The following KATNA1 variants were observed in gnomAD, a reference collection of about 807,000 sequenced individuals.
The protein encoded by KATNA1 is katanin catalytic subunit A1, also known as katanin p60 ATPase-containing subunit A1.
KATNA1 carries 42 observed loss-of-function variants against 62.6 expected under a neutral mutation model. The ratio of observed to expected loss-of-function variants is 0.67; its 90% confidence interval spans 0.52 to 0.87. The LOEUF (loss-of-function observed/expected upper bound fraction) is 0.87. Ranked by LOEUF, KATNA1 falls within the 40% of genes least tolerant of loss-of-function variation. The pLI, the probability that KATNA1 is intolerant of heterozygous loss-of-function variation, is 0.00. For synonymous variants in KATNA1, 186 were observed against 201.9 expected, an observed-to-expected ratio of 0.92 and a Z score of 0.67; for missense variants, 498 against 612.5, an observed-to-expected ratio of 0.81 and a Z score of 1.97.
Position 149,601,714 on chromosome 6 carries a change from C to G in KATNA1, c.768G>C (p.Thr256=), listed in dbSNP as rs141033986. 1.9e-6 allele frequency: 3 copies of G among 1,609,706 alleles called. No homozygotes were observed. The highest frequency in any genetic ancestry group is 2.5e-6 in the Non-Finnish European group (3 of 1,178,582). The part of the protein sequence containing the change: ...LMVGPPGTGK[T]LLAKAVATEC... Reference sequence around the variant, plus strand: ...CTGTAGCTACTGCTTTAGCAAGGAGCGTCTTCCCCGTGCCAGGTGGGCCGA... The same window carrying G: ...CTGTAGCTACTGCTTTAGCAAGGAGGGTCTTCCCCGTGCCAGGTGGGCCGA... Residue 256 remains threonine (T), a synonymous_variant, in exon 7 of 11, where the codon ACG becomes ACC. Transcript: ENST00000367411.
intron 3 of KATNA1, chr6:149,631,564 C>CA (rs11436870): frequency 0.51 from 71,188 of 139,974 alleles, 19,548 homozygotes; most frequent in East Asian, 0.81. Context: ...ACAAAAAAAA[C>CA]AAAAAAAAAA....
intron 4 of KATNA1, among the ~76,000 whole-genome samples, chr6:149,621,940 G>A (rs1056818537): frequency 4.1e-4 from 62 of 152,256 alleles, no homozygotes; most frequent in African/African-American, 1.4e-3. Context: ...TATTAAAAGG[G>A]GCTAAAGAAA....
At chr6:149,621,123 CTTT>C (rs1282414027) in intron 4 of KATNA1, among the ~76,000 whole-genome samples, 9 of 135,796 alleles carry the variant, frequency 6.6e-5, no homozygotes, top group Admixed American at 7.5e-5. Context: ...CCTATGCCTT[CTTT>C]TTTTTTTTTT....
intron 6 of KATNA1, 22 bp from the exon 7 acceptor site, chr6:149,601,774 C>T: frequency 6.6e-7 from 1 of 1,519,444 alleles, no homozygotes; most frequent in Non-Finnish European, 8.8e-7. Flanking sequence ...ATAATAGCCT[C>T]AGCAGAGGAT....
intron 7 of KATNA1, among the ~76,000 whole-genome samples, chr6:149,601,124 T>C (rs1778528731): frequency 6.6e-6 from 1 of 152,166 alleles, no homozygotes; most frequent in African/African-American, 2.4e-5. Context: ...ATTTCTTCTA[T>C]TGGTACTCTG....
intron 7 of KATNA1, among the ~76,000 whole-genome samples, chr6:149,600,900 C>G (rs1778519938): frequency 6.6e-6 from 1 of 152,010 alleles, no homozygotes; most frequent in African/African-American, 2.4e-5. Context: ...TGTGATCATG[C>G]TCCTGCATAC....
At chr6:149,635,239 C>T (rs918816646) in intron 2 of KATNA1, among the ~76,000 whole-genome samples, 1 of 152,012 alleles carries the variant, frequency 6.6e-6, no homozygotes, top group Non-Finnish European at 1.5e-5. Flanking sequence ...ATTGCACCAC[C>T]ATACTCCAGC....
intron 7 of KATNA1, among the ~76,000 whole-genome samples, chr6:149,599,707 G>A (rs1204909462): frequency 1.3e-5 from 2 of 151,890 alleles, no homozygotes; most frequent in East Asian, 1.9e-4. Flanking sequence ...TAGTAGAGAC[G>A]GGGTTTCATC....
At chr6:149,611,630 A>G (rs979986710) in intron 4 of KATNA1, among the ~76,000 whole-genome samples, 4 of 152,158 alleles carry the variant, frequency 2.6e-5, no homozygotes, top group African/African-American at 9.7e-5. Context: ...GACAATGCAA[A>G]AAGGACAGAG....
chr6:149,606,883 G>A (rs1224065106), intron 4 of KATNA1, among the ~76,000 whole-genome samples: 1 of 152,150 alleles, frequency 6.6e-6, no homozygotes, highest in South Asian at 2.1e-4. Context: ...GCCTCCCAAA[G>A]TGCTGGGATT....
intron 2 of KATNA1, among the ~76,000 whole-genome samples, chr6:149,637,472 T>TA (rs1360230602): frequency 1.3e-5 from 2 of 152,280 alleles, no homozygotes; most frequent in East Asian, 3.9e-4. Context: ...AATGGCTTAA[T>TA]AAAGTCTACT....
chr6:149,618,979 G>T (rs955123816), intron 4 of KATNA1, among the ~76,000 whole-genome samples: 14 of 152,100 alleles, frequency 9.2e-5, no homozygotes, highest in African/African-American at 3.4e-4. Flanking sequence ...AAACAAATGT[G>T]ATTATATAAA....
chr6:149,608,159 C>T (rs1415288759), intron 4 of KATNA1, among the ~76,000 whole-genome samples: 2 of 152,180 alleles, frequency 1.3e-5, no homozygotes, highest in African/African-American at 2.4e-5. Flanking sequence ...TTAAAAATGA[C>T]AGCTGGGTTC....
intron 1 of KATNA1, among the ~76,000 whole-genome samples, chr6:149,639,963 A>G (rs1780218577): frequency 6.6e-6 from 1 of 152,214 alleles, no homozygotes; most frequent in Non-Finnish European, 1.5e-5. Context: ...CATTTTTTGA[A>G]GCAGTGTGGA....
At chr6:149,625,875 A>G (rs558449760) in intron 3 of KATNA1, among the ~76,000 whole-genome samples, 19 of 151,688 alleles carry the variant, frequency 1.3e-4, no homozygotes, top group African/African-American at 3.4e-4. Context: ...CAGAGGTTGC[A>G]GTGAGCCGAG....
At chr6:149,612,092 A>C (rs1778984091) in intron 4 of KATNA1, among the ~76,000 whole-genome samples, 1 of 152,194 alleles carries the variant, frequency 6.6e-6, no homozygotes, top group African/African-American at 2.4e-5. Context: ...TGAAAATCAC[A>C]AACTACCACA....
intron 2 of KATNA1, among the ~76,000 whole-genome samples, chr6:149,638,082 C>T (rs1780137861): frequency 6.6e-6 from 1 of 151,946 alleles, no homozygotes; most frequent in Non-Finnish European, 1.5e-5. Flanking sequence ...CTCAAGTGAT[C>T]CTCCCACCTC....
intron 4 of KATNA1, 123 bp downstream of exon 4, chr6:149,622,980 G>C (rs909180142): frequency 1.5e-6 from 1 of 686,086 alleles, no homozygotes. Context: ...CTGCACCCCA[G>C]CCTGGGTGAC....
At chr6:149,604,561 G>C in intron 5 of KATNA1, 100 bp downstream of exon 5, 1 of 1,266,126 alleles carries the variant, frequency 7.9e-7, no homozygotes, top group Non-Finnish European at 1.1e-6. Context: ...CTCCGGTTCT[G>C]TCCTCAAGCT....
Sources: gnomAD v4.1 joint callset for allele counts (sites outside exome capture counted in the v4.1 genomes callset) on GRCh38, gnomAD v4.1.1 for gene constraint, MANE v1.5 for transcripts, NCBI Gene and HGNC (gene_info 2026-07-23, HGNC 2026-07-21) for gene names.